The following TENM2 variants were observed in gnomAD, a reference collection of about 807,000 sequenced individuals.
The protein encoded by TENM2 is teneurin-2.
In TENM2, 52 loss-of-function variants were observed where a neutral mutation model predicts 245.2. The ratio of observed to expected loss-of-function variants is 0.21; its 90% CI spans 0.17 to 0.27. TENM2 has a LOEUF of 0.27. Ranked by LOEUF, TENM2 falls within the 10% of genes least tolerant of loss-of-function variation. The pLI is 1.00. For missense variants in TENM2, 3,046 were observed against 3,666.8 expected (o/e 0.83, Z 4.37); for synonymous variants, 1,363 against 1,438.9 (o/e 0.95, Z 1.19).
At chr5:168,188,675 A>C (rs1366574525) in intron 13 of TENM2, among the ~76,000 whole-genome samples, 1 of 152,220 alleles carries the variant, frequency 6.6e-6, no homozygotes, top group Non-Finnish European at 1.5e-5. Context: ...GAGGTCATTA[A>C]TTCTACTATA....
chr5:167,915,924 A>T (rs1776902505), intron 3 of TENM2, among the ~76,000 whole-genome samples: 1 of 152,204 alleles, frequency 6.6e-6, no homozygotes, highest in African/African-American at 2.4e-5. Context: ...GGTATATTTG[A>T]TTATCCACAC....
chr5:167,234,462 C>G, the TENM2 span, among the ~76,000 whole-genome samples: 1 of 152,152 alleles, frequency 6.6e-6, no homozygotes, highest in Non-Finnish European at 1.5e-5. Flanking sequence ...TTTGTTTCAT[C>G]AGGACTCTGC....
chr5:167,233,754 C>G, the TENM2 span, among the ~76,000 whole-genome samples: 1 of 152,080 alleles, frequency 6.6e-6, no homozygotes, highest in African/African-American at 2.4e-5. Flanking sequence ...ACAAAAATAT[C>G]TCAGCCAAGA....
At chr5:167,729,877 A>G (rs1332423324) in intron 2 of TENM2, among the ~76,000 whole-genome samples, 1 of 152,208 alleles carries the variant, frequency 6.6e-6, no homozygotes, top group Non-Finnish European at 1.5e-5. Flanking sequence ...GACCGTGAGC[A>G]CTTGTTGAAA....
At chr5:167,706,367 CAGTATATATAAGAAAATGTGATACTA>C (rs1485338592) in intron 2 of TENM2, among the ~76,000 whole-genome samples, 6 of 146,390 alleles carry the variant, frequency 4.1e-5, no homozygotes, top group Non-Finnish European at 9.0e-5. Context: ...AAATGTGATA[CAGTATATATAAGAAAATGTGATACTA>C]TATATATATA....
At chr5:167,849,351 C>T (rs1371631006) in intron 2 of TENM2, among the ~76,000 whole-genome samples, 2 of 152,070 alleles carry the variant, frequency 1.3e-5, no homozygotes, top group Non-Finnish European at 2.9e-5. Context: ...TGTTTTTCCC[C>T]ACTCTCACAC....
intron 2 of TENM2, among the ~76,000 whole-genome samples, chr5:167,450,329 T>C (rs961390993): frequency 1.3e-5 from 2 of 152,312 alleles, no homozygotes; most frequent in Admixed American, 6.5e-5. Flanking sequence ...ACAATGTCAG[T>C]ATCCCTTAAC....
At chr5:167,764,363 T>C (rs1762866998) in intron 2 of TENM2, among the ~76,000 whole-genome samples, 1 of 152,254 alleles carries the variant, frequency 6.6e-6, no homozygotes, top group South Asian at 2.1e-4. Context: ...TCATAGTGCT[T>C]CTTATATCCT....
chr5:167,368,772 A>G (rs1760219139), intron 1 of TENM2, among the ~76,000 whole-genome samples: 1 of 152,084 alleles, frequency 6.6e-6, no homozygotes, highest in Non-Finnish European at 1.5e-5. Context: ...GCGGCAGGGC[A>G]GAGTTGAGAT....
At chr5:167,438,943 A>G (rs1246940255) in intron 2 of TENM2, among the ~76,000 whole-genome samples, 3 of 151,770 alleles carry the variant, frequency 2.0e-5, no homozygotes, top group Non-Finnish European at 4.4e-5. Flanking sequence ...ACAGGCGCCC[A>G]CCACCACGCT....
the TENM2 span, among the ~76,000 whole-genome samples, chr5:167,067,180 TA>T: frequency 6.6e-6 from 1 of 152,208 alleles, no homozygotes; most frequent in African/African-American, 2.4e-5. Flanking sequence ...GTGCATATTT[TA>T]AAAACTTCAG....
At chr5:168,206,437 G>T (rs1762350873) in intron 19 of TENM2, among the ~76,000 whole-genome samples, 1 of 152,220 alleles carries the variant, frequency 6.6e-6, no homozygotes, top group Non-Finnish European at 1.5e-5. Flanking sequence ...ACACCCATGT[G>T]AGCATGAGAG....
At chr5:167,845,340 C>A (rs1283174311) in intron 2 of TENM2, among the ~76,000 whole-genome samples, 4 of 148,722 alleles carry the variant, frequency 2.7e-5, no homozygotes, top group Non-Finnish European at 5.9e-5. Flanking sequence ...CTTGCTTGGG[C>A]AGGAATGGAA....
the TENM2 span, among the ~76,000 whole-genome samples, chr5:167,042,128 G>C: frequency 6.6e-6 from 1 of 152,088 alleles, no homozygotes; most frequent in East Asian, 1.9e-4. Flanking sequence ...CAAAGAAAGG[G>C]TAGCCCATTA....
the TENM2 span, among the ~76,000 whole-genome samples, chr5:167,036,390 G>A: frequency 1.3e-5 from 2 of 152,070 alleles, no homozygotes; most frequent in East Asian, 1.9e-4. Flanking sequence ...GTGCCTCATT[G>A]GTTTTGTTTT....
intron 2 of TENM2, among the ~76,000 whole-genome samples, chr5:167,717,012 T>G (rs966741654): frequency 2.0e-5 from 3 of 151,812 alleles, no homozygotes; most frequent in Non-Finnish European, 2.9e-5. Context: ...ACTGCTGGAG[T>G]GGAGTGCAGT....
intron 2 of TENM2, among the ~76,000 whole-genome samples, chr5:167,582,862 C>T (rs1189189542): frequency 7.9e-5 from 12 of 152,024 alleles, no homozygotes; most frequent in Admixed American, 7.9e-4. Context: ...AATTCAGTCC[C>T]CTTGACTCTT....
intron 2 of TENM2, among the ~76,000 whole-genome samples, chr5:167,609,515 A>AAAAAAAAAAAAAAAG (rs1582533515): frequency 1.1e-5 from 1 of 87,762 alleles, no homozygotes; most frequent in African/African-American, 3.2e-5. Flanking sequence ...AAAAAAAACA[A>AAAAAAAAAAAAAAAG]AACCTTACCT....
chr5:168,238,863 G>A (rs1395311543), intron 25 of TENM2, among the ~76,000 whole-genome samples: 2 of 152,126 alleles, frequency 1.3e-5, no homozygotes, highest in African/African-American at 2.4e-5. Flanking sequence ...GAAAATGCCC[G>A]ATAATTAAAA....
Sources: gnomAD v4.1 joint callset for allele counts (sites outside exome capture counted in the v4.1 genomes callset) on GRCh38, gnomAD v4.1.1 for gene constraint, MANE v1.5 for transcripts, NCBI Gene and HGNC (gene_info 2026-07-23, HGNC 2026-07-21) for gene names.